Variants in ZFAND4 observed in about 807,000 individuals in gnomAD.
ZFAND4 encodes zinc finger AN1-type containing 4.
ZFAND4 carries 43 observed loss-of-function variants against 64.4 expected under a neutral mutation model. The ratio of observed to expected loss-of-function variants is 0.67; its 90% CI spans 0.52 to 0.86. The LOEUF (loss-of-function observed/expected upper bound fraction) is 0.86, where lower values mean the gene tolerates loss of function less well. Ranked by LOEUF, ZFAND4 falls within the 40% of genes least tolerant of loss-of-function variation. The pLI is 0.00. For synonymous variants in ZFAND4, 296 were observed against 305.7 expected (o/e 0.97, Z 0.33); for missense variants, 929 against 859.8 (o/e 1.08, Z -1.01).
In ZFAND4 at chr10:45,616,210, T is replaced by G. The variant is rs1490265310; in HGVS notation, c.*226A>C. On this transcript the variant is annotated 3_prime_UTR_variant, in exon 10 of 10. Coordinates refer to ENST00000344646, the MANE Select transcript of ZFAND4 (RefSeq NM_174890.4). ...AACACAAGACATGCAATAACAAAGC[T>G]AAATCATTCCAGTGTAAAGTTGTTA... 3 of 526,356 alleles carry G rather than the reference T, an allele frequency of 5.7e-6. No homozygotes were observed. The highest frequency in any genetic ancestry group is 9.7e-6 in the Non-Finnish European group (3 of 308,816). The allele number at this position is 526,356 out of a possible 1,614,324, so 32.6% of individuals were successfully genotyped here. A position where few individuals can be genotyped will look rare whatever the true frequency, so the allele number is the denominator to read the frequency against.
At chr10:45,634,418 A>G (rs529402961) in intron 6 of ZFAND4, among the ~76,000 whole-genome samples, 2 of 151,652 alleles carry the variant, frequency 1.3e-5, no homozygotes, top group Non-Finnish European at 2.9e-5. Flanking sequence ...AGCTACTGCT[A>G]CTCGGGAAGC....
chr10:45,643,776 T>C (rs569505658), intron 5 of ZFAND4, among the ~76,000 whole-genome samples: 72 of 151,712 alleles, frequency 4.7e-4, no homozygotes, highest in Admixed American at 2.9e-3. Context: ...ATGAAACAAA[T>C]TAACACTCAA....
At chr10:45,660,496 A>G (rs1412502733) in intron 2 of ZFAND4, among the ~76,000 whole-genome samples, 1 of 152,202 alleles carries the variant, frequency 6.6e-6, no homozygotes, top group Admixed American at 6.5e-5. Flanking sequence ...AGACAGAAGA[A>G]ATACTTAAAT....
intron 6 of ZFAND4, among the ~76,000 whole-genome samples, chr10:45,629,754 T>C (rs1394399146): frequency 6.6e-6 from 1 of 152,022 alleles, no homozygotes; most frequent in African/African-American, 2.4e-5. Flanking sequence ...TCCCAGCTAC[T>C]TGGGAGGCTG....
At chr10:45,616,986 G>C (rs997844804) in intron 9 of ZFAND4, among the ~76,000 whole-genome samples, 2 of 151,936 alleles carry the variant, frequency 1.3e-5, no homozygotes, top group Admixed American at 1.3e-4. Flanking sequence ...GCTGAGGCAG[G>C]AGAATCGCTT....
intron 6 of ZFAND4, among the ~76,000 whole-genome samples, chr10:45,628,852 G>A (rs536495814): frequency 4.8e-5 from 7 of 144,448 alleles, no homozygotes; most frequent in African/African-American, 1.8e-4. Flanking sequence ...GCCTATGCCT[G>A]TGGTGACAGA....
intron 8 of ZFAND4, among the ~76,000 whole-genome samples, chr10:45,620,471 C>G (rs969641738): frequency 6.6e-6 from 1 of 151,904 alleles, no homozygotes; most frequent in African/African-American, 2.4e-5. Context: ...GGTAACAGGG[C>G]GAGACTCTGT....
chr10:45,639,028 T>C (rs1050933494), intron 6 of ZFAND4, among the ~76,000 whole-genome samples: 1 of 152,160 alleles, frequency 6.6e-6, no homozygotes, highest in African/African-American at 2.4e-5. Flanking sequence ...TCTACATGAG[T>C]GTATATAAAT....
chr10:45,627,975 AACATACT>A (rs1187801178), intron 6 of ZFAND4, among the ~76,000 whole-genome samples: 7 of 152,310 alleles, frequency 4.6e-5, no homozygotes, highest in African/African-American at 1.4e-4. Context: ...TATATACAGC[AACATACT>A]ACAGCCCTGT....
At chr10:45,639,227 G>A (rs1351926992) in intron 6 of ZFAND4, among the ~76,000 whole-genome samples, 2 of 151,920 alleles carry the variant, frequency 1.3e-5, no homozygotes, top group Non-Finnish European at 2.9e-5. Context: ...ATAGAAAAAT[G>A]GAAAAATATA....
At chr10:45,670,061 T>A (rs534055610) in intron 1 of ZFAND4, among the ~76,000 whole-genome samples, 63 of 152,186 alleles carry the variant, frequency 4.1e-4, no homozygotes, top group African/African-American at 1.5e-3. Flanking sequence ...AAATAAAGGA[T>A]ATTCAATTAG....
At chr10:45,628,414 T>A (rs1055461586) in intron 6 of ZFAND4, among the ~76,000 whole-genome samples, 1 of 152,168 alleles carries the variant, frequency 6.6e-6, no homozygotes, top group African/African-American at 2.4e-5. Flanking sequence ...GTTCAAGCAA[T>A]TCTCCTGCCT....
intron 6 of ZFAND4, among the ~76,000 whole-genome samples, chr10:45,634,712 C>A (rs904055319): frequency 2.0e-5 from 3 of 151,882 alleles, no homozygotes; most frequent in Non-Finnish European, 4.4e-5. Flanking sequence ...AGAAGGAAGT[C>A]AAATTATCCT....
Position 45,630,640 on chromosome 10 carries a change from G to A in ZFAND4, c.718-3535C>T, listed in dbSNP as rs977559511. Reference sequence around the variant, plus strand: ...CTCAGGAGGCTGAGGCAGGAGAATTGGCATGAACCCGGAAGACAAAGCTTG... The same window carrying A: ...CTCAGGAGGCTGAGGCAGGAGAATTAGCATGAACCCGGAAGACAAAGCTTG... On this transcript the variant is annotated intron_variant, in intron 6 of 9. Transcript: ENST00000344646. 4.0e-5 allele frequency among the ~76,000 whole-genome samples: 6 copies of A among 151,876 alleles called. No individual in the cohort carries two copies. In the East Asian group the frequency reaches 1.2e-3, roughly 30 times the overall value.
intron 5 of ZFAND4, among the ~76,000 whole-genome samples, chr10:45,641,195 A>C (rs2046976635): frequency 6.6e-6 from 1 of 152,238 alleles, no homozygotes; most frequent in Non-Finnish European, 1.5e-5. Flanking sequence ...TTTGAAATTT[A>C]ATTTATTTTT....
At chr10:45,633,465 G>A (rs1401836651) in intron 6 of ZFAND4, among the ~76,000 whole-genome samples, 1 of 152,044 alleles carries the variant, frequency 6.6e-6, no homozygotes, top group Non-Finnish European at 1.5e-5. Flanking sequence ...AGCTACGTGG[G>A]AGGCTGAAAT....
intron 5 of ZFAND4, among the ~76,000 whole-genome samples, chr10:45,640,852 C>G (rs1378244004): frequency 6.6e-6 from 1 of 152,070 alleles, no homozygotes; most frequent in Non-Finnish European, 1.5e-5. Context: ...AATGTAAAAA[C>G]CTAGACTAGC....
chr10:45,650,133 G>A (rs2047665689), intron 4 of ZFAND4: 1 of 151,996 alleles, frequency 6.6e-6, no homozygotes, highest in Non-Finnish European at 1.5e-5. Flanking sequence ...TTGAGACAGA[G>A]TCTCACTCTG....
intron 5 of ZFAND4, among the ~76,000 whole-genome samples, chr10:45,643,094 A>C (rs988847284): frequency 6.7e-6 from 1 of 149,352 alleles, no homozygotes; most frequent in Non-Finnish European, 1.5e-5. Flanking sequence ...CTAATTTTGC[A>C]TTTTTAGTAG....
Sources: allele counts gnomAD v4.1 joint callset (sites outside exome capture counted in the v4.1 genomes callset), GRCh38; gene constraint gnomAD v4.1.1; transcripts MANE v1.5; gene names NCBI Gene and HGNC (gene_info 2026-07-23, HGNC 2026-07-21).